CTNND2: variants seen among roughly 807,000 people sequenced by gnomAD.
The protein encoded by CTNND2 is catenin delta-2.
CTNND2 carries 22 observed loss-of-function variants against 144.4 expected under a neutral mutation model. The observed-to-expected ratio is 0.15, with a 90% CI of 0.11 to 0.22. CTNND2 has a LOEUF of 0.22. CTNND2 is among the 10% of genes least tolerant of loss of function. The pLI is 1.00. For missense variants in CTNND2, 1,353 were observed against 1,618.8 expected (o/e 0.84, Z 2.82); for synonymous variants, 751 against 695.6 (o/e 1.08, Z -1.25).
At chr5:11,861,145 TG>T in intron 1 of CTNND2, among the ~76,000 whole-genome samples, 1 of 152,316 alleles carries the variant, frequency 6.6e-6, no homozygotes, top group Admixed American at 6.5e-5. Context: ...TGATCACCAG[TG>T]TATGTGATGG....
chr5:11,668,079 A>G (rs370919709), intron 2 of CTNND2, among the ~76,000 whole-genome samples: 1 of 152,056 alleles, frequency 6.6e-6, no homozygotes, highest in South Asian at 2.1e-4. Context: ...GGTTGTAGAT[A>G]TGTGGTGTTA....
chr5:11,902,307 T>G (rs938849588), intron 1 of CTNND2, among the ~76,000 whole-genome samples: 1 of 152,174 alleles, frequency 6.6e-6, no homozygotes, highest in African/African-American at 2.4e-5. Flanking sequence ...TAGTTCGTAT[T>G]TGAGGATACT....
intron 18 of CTNND2, among the ~76,000 whole-genome samples, chr5:11,004,770 CAAAAAAA>C (rs56261802): frequency 1.4e-4 from 12 of 88,854 alleles, no homozygotes; most frequent in Non-Finnish European, 2.1e-4. Flanking sequence ...CTCCTTCTCA[CAAAAAAA>C]AAAAAAAAAA....
chr5:11,452,041 A>C (rs967772168), intron 3 of CTNND2, among the ~76,000 whole-genome samples: 3 of 152,210 alleles, frequency 2.0e-5, no homozygotes, highest in Non-Finnish European at 4.4e-5. Flanking sequence ...TTTAAATTTT[A>C]AGGCTAAACA....
intron 7 of CTNND2, among the ~76,000 whole-genome samples, chr5:11,375,788 T>A (rs543809412): frequency 1.8e-4 from 27 of 152,336 alleles, no homozygotes; most frequent in Admixed American, 5.2e-4. Context: ...GAAAGTCAAT[T>A]TGTTTTGACT....
At chr5:11,559,890 G>GA (rs1450327691) in intron 3 of CTNND2, among the ~76,000 whole-genome samples, 1 of 152,166 alleles carries the variant, frequency 6.6e-6, no homozygotes, top group Non-Finnish European at 1.5e-5. Context: ...GCAAAGCCCT[G>GA]AGACTACCAG....
chr5:11,699,516 G>C (rs1046810829), intron 2 of CTNND2, among the ~76,000 whole-genome samples: 3 of 152,080 alleles, frequency 2.0e-5, no homozygotes, highest in Non-Finnish European at 4.4e-5. Context: ...TGAAGAGAGA[G>C]GTGGGCCAGA....
chr5:11,864,893 T>C (rs1795679503), intron 1 of CTNND2, among the ~76,000 whole-genome samples: 1 of 135,570 alleles, frequency 7.4e-6, no homozygotes, highest in Non-Finnish European at 1.6e-5. Flanking sequence ...CTTTTTTTTT[T>C]TTTTTTTTTT....
At chr5:11,177,205 A>T (rs1189013751) in intron 11 of CTNND2, among the ~76,000 whole-genome samples, 1 of 152,190 alleles carries the variant, frequency 6.6e-6, no homozygotes, top group African/African-American at 2.4e-5. Flanking sequence ...AGCAGGGACT[A>T]TATAAGTTGA....
intron 1 of CTNND2, among the ~76,000 whole-genome samples, chr5:11,842,022 C>A (rs1216429900): frequency 6.6e-6 from 1 of 151,964 alleles, no homozygotes; most frequent in Non-Finnish European, 1.5e-5. Context: ...TAAGCATCAG[C>A]AAGGAATGTG....
intron 2 of CTNND2, among the ~76,000 whole-genome samples, chr5:11,577,123 A>T (rs937246966): frequency 1.3e-5 from 2 of 152,160 alleles, no homozygotes; most frequent in African/African-American, 4.8e-5. Context: ...ACTTATTATT[A>T]TGTTTTATTT....
At chr5:11,617,413 G>A (rs2727580) in intron 2 of CTNND2, among the ~76,000 whole-genome samples, 16,820 of 152,050 alleles carry the variant, frequency 0.11, 2,284 homozygotes, top group African/African-American at 0.32. Flanking sequence ...TCTAGATCTG[G>A]TTTATGTTTT....
At chr5:11,890,139 C>G (rs1736846881) in intron 1 of CTNND2, among the ~76,000 whole-genome samples, 1 of 152,136 alleles carries the variant, frequency 6.6e-6, no homozygotes, top group Admixed American at 6.5e-5. Context: ...TCAACTTTTT[C>G]CTGCAGTTCA....
intron 1 of CTNND2, among the ~76,000 whole-genome samples, chr5:11,754,433 A>AG (rs1294051712): frequency 1.3e-5 from 1 of 78,072 alleles, no homozygotes; most frequent in South Asian, 5.4e-4. Context: ...TTTTTGGGGG[A>AG]GGGGGCGGGG....
intron 18 of CTNND2, among the ~76,000 whole-genome samples, chr5:11,001,880 G>A (rs961352891): frequency 1.3e-5 from 2 of 152,152 alleles, no homozygotes; most frequent in Admixed American, 6.5e-5. Flanking sequence ...CTCTTTAACC[G>A]GTCTGGAAAA....
At chr5:11,899,452 A>G (rs1487261992) in intron 1 of CTNND2, among the ~76,000 whole-genome samples, 1 of 152,222 alleles carries the variant, frequency 6.6e-6, no homozygotes, top group Non-Finnish European at 1.5e-5. Flanking sequence ...TAACTGCTAT[A>G]TACTTTAATA....
At chr5:11,243,730 A>G (rs1742691674) in intron 9 of CTNND2, among the ~76,000 whole-genome samples, 2 of 152,238 alleles carry the variant, frequency 1.3e-5, no homozygotes, top group South Asian at 4.1e-4. Flanking sequence ...TAAACAGCCA[A>G]CAGTTCATGA....
intron 16 of CTNND2, chr5:11,027,442 C>T (rs1289381446): frequency 6.6e-6 from 1 of 152,032 alleles, no homozygotes; most frequent in Non-Finnish European, 1.5e-5. Context: ...TGGGCCATTT[C>T]TTTTAAGTTA....
At chr5:11,649,028 T>C (rs1782508173) in intron 2 of CTNND2, among the ~76,000 whole-genome samples, 1 of 152,244 alleles carries the variant, frequency 6.6e-6, no homozygotes, top group Non-Finnish European at 1.5e-5. Context: ...TTTATATTCT[T>C]ATGTAATTAT....
Sources: gnomAD v4.1 joint callset for allele counts (sites outside exome capture counted in the v4.1 genomes callset) on GRCh38, gnomAD v4.1.1 for gene constraint, MANE v1.5 for transcripts, NCBI Gene and HGNC (gene_info 2026-07-23, HGNC 2026-07-21) for gene names.